The following NEURL1B variants were observed in gnomAD, a reference collection of about 807,000 sequenced individuals.
The protein encoded by NEURL1B is neuralized E3 ubiquitin protein ligase 1B, also known as E3 ubiquitin-protein ligase NEURL1B.
A neutral mutation model predicts 37.4 loss-of-function variants in NEURL1B; 13 were observed. That is an observed-to-expected ratio of 0.35 (90% CI 0.23 to 0.55). NEURL1B has a LOEUF of 0.55. Among genes scored for constraint, NEURL1B ranks in the 20% least tolerant of loss-of-function variants. The probability of loss-of-function intolerance (pLI) is 0.89; values close to 1 mark genes in which losing one functional copy is unlikely to be tolerated. For missense variants in NEURL1B, 790 were observed against 879.2 expected (o/e 0.90, Z 1.28); for synonymous variants, 432 against 426.6 (o/e 1.01, Z -0.16).
chr5:172,655,533 C>G (rs1482574067), intron 1 of NEURL1B, among the ~76,000 whole-genome samples: 1 of 152,114 alleles, frequency 6.6e-6, no homozygotes, highest in Non-Finnish European at 1.5e-5. Context: ...CTCCGTCCAG[C>G]AGTAGGACTT....
In NEURL1B at chr5:172,683,601, G is replaced by A. The variant is rs1416869337; in HGVS notation, c.760G>A (p.Ala254Thr). The A allele has an allele frequency of 9.6e-6, 12 of 1,254,666 alleles. No homozygotes were observed. In the African/African-American group the frequency reaches 9.6e-5, roughly 10 times the overall value. The allele number at this position is 1,254,666 out of a possible 1,614,324, so 77.7% of individuals were successfully genotyped here. A position where few individuals can be genotyped will look rare whatever the true frequency, so the allele number is the denominator to read the frequency against. Residue 254 changes from alanine to threonine, a missense_variant, in exon 3 of 5, where the codon GCC becomes ACC. Transcript: ENST00000369800. The surrounding 1 kb of genome is among the most constrained non-coding windows in gnomAD (Gnocchi z 5.6). ...CGCCCCGGGCCCACCGCCAGCCGAC[G>A]CCGCGGCCGCCGCCATTCCGTGCGG... ...GRAPGPPPAD[A>T]AAAAIPCGPR...
rs149238421 is a variant in NEURL1B at position 172,682,024 on chromosome 5, A to G, written c.578-1395A>G. Among the ~76,000 whole-genome samples, 1,019 of 152,312 alleles carry G rather than the reference A, an allele frequency of 6.7e-3. 9 individuals are homozygous for G. Among genetic ancestry groups the G allele is most frequent in the Non-Finnish European group, 0.012 (787 of 68,026 alleles). ...TTAGTCGTTCCTTCATTCATCCAATAAACTATTAATAGTGAAGGCTATTTG... is the reference window on the plus strand; with the variant it reads ...TTAGTCGTTCCTTCATTCATCCAATGAACTATTAATAGTGAAGGCTATTTG... On this transcript the variant is annotated intron_variant, in intron 2 of 4. Coordinates refer to ENST00000369800, the MANE Select transcript of NEURL1B (RefSeq NM_001142651.3).
At chr5:172,645,536 T>TC (rs1757543586) in intron 1 of NEURL1B, among the ~76,000 whole-genome samples, 3 of 152,178 alleles carry the variant, frequency 2.0e-5, no homozygotes, top group Non-Finnish European at 4.4e-5. Flanking sequence ...GCGACCCTTG[T>TC]CACCCTCCTT....
At position 172,689,052 on chromosome 5, in the gene NEURL1B, T is replaced by TGAG. The variant is rs914272892; in HGVS notation, c.*2129_*2131dup. On this transcript the variant is annotated 3_prime_UTR_variant, in exon 5 of 5. Transcript: ENST00000369800. ...CAGCCTCCACTGGGAAACCAGTGAC[T>TGAG]GAGGCCTGGACCCAGAGGTGGACCA... 2 of 152,268 alleles carry TGAG rather than the reference T, an allele frequency of 1.3e-5. No homozygotes were observed. The highest frequency in any genetic ancestry group is 4.8e-5 in the African/African-American group (2 of 41,474). 9.4% of individuals were successfully genotyped at this position (152,268 alleles called of 1,614,324 possible). A position where few individuals can be genotyped will look rare whatever the true frequency, so the allele number is the denominator to read the frequency against.
In NEURL1B at chr5:172,686,031, A is replaced by T. The variant is rs896175417; in HGVS notation, c.1298-140A>T. 2 of 961,988 alleles carry T rather than the reference A, an allele frequency of 2.1e-6. No homozygotes were observed. The highest frequency in any genetic ancestry group is 3.3e-5 in the African/African-American group (2 of 60,730). 59.6% of individuals were successfully genotyped at this position (961,988 alleles called of 1,614,324 possible). On this transcript the variant is annotated intron_variant, in intron 3 of 4. Coordinates refer to ENST00000369800, the MANE Select transcript of NEURL1B (RefSeq NM_001142651.3). This position sits in a 1 kb window ranked among gnomAD's most constrained non-coding sequence, Gnocchi z 7.9. ...GGCACCACACTGGGATGCACTCTTC[A>T]CTCCTCAGCAGAACCCTGGGAGATA...
In NEURL1B at chr5:172,683,387, C is replaced by T; in HGVS notation, c.578-32C>T. ...GCGACCAGCCTGACGCGCGGCCTCTCCCCCTCCATGTCCCTCCCTTTGTCC... is the reference window on the plus strand; with the variant it reads ...GCGACCAGCCTGACGCGCGGCCTCTTCCCCTCCATGTCCCTCCCTTTGTCC... On this transcript the variant is annotated intron_variant, in intron 2 of 4. Transcript: ENST00000369800. This position sits in a 1 kb window ranked among gnomAD's most constrained non-coding sequence, Gnocchi z 5.6. 9 of 1,290,676 alleles carry T rather than the reference C, an allele frequency of 7.0e-6. No individual in the cohort carries two copies. The highest frequency in any genetic ancestry group is 8.9e-6 in the Non-Finnish European group (9 of 1,014,002). The allele number at this position is 1,290,676 out of a possible 1,614,324, so 80.0% of individuals were successfully genotyped here. A position where few individuals can be genotyped will look rare whatever the true frequency, so the allele number is the denominator to read the frequency against.
In NEURL1B at chr5:172,683,708, C is replaced by A. The variant is rs901375300; in HGVS notation, c.867C>A (p.Asp289Glu). The A allele has an allele frequency of 1.0e-5, 14 of 1,359,274 alleles. No individual in the cohort carries two copies. The African/African-American group carries it at 1.9e-4, about 18-fold the overall frequency. The allele number at this position is 1,359,274 out of a possible 1,614,324, so 84.2% of individuals were successfully genotyped here. Residue 289 changes from aspartate to glutamate, a missense_variant, in exon 3 of 5, where the codon GAC (aspartate) becomes GAA (glutamate). This residue lies in a region of NEURL1B where 460 missense variants were observed against 407.4 expected (regional missense o/e 1.13). Coordinates refer to ENST00000369800, the MANE Select transcript of NEURL1B (RefSeq NM_001142651.3). The surrounding 1 kb of genome is among the most constrained non-coding windows in gnomAD (Gnocchi z 5.6). Reference sequence around the variant, plus strand: ...GCTTCCACGCAACACGCGGGCCCGACGTGAGCCTGTCGGCCGACCGCAAAG... The same window carrying A: ...GCTTCCACGCAACACGCGGGCCCGAAGTGAGCCTGTCGGCCGACCGCAAAG... The part of the protein sequence containing the change: ...DLRFHATRGP[D>E]VSLSADRKVA...
intron 2 of NEURL1B, among the ~76,000 whole-genome samples, chr5:172,670,737 A>G (rs1465070661): frequency 6.6e-6 from 1 of 152,140 alleles, no homozygotes; most frequent in East Asian, 1.9e-4. Context: ...TCGCACATGT[A>G]TTCATTTGCT....
At chr5:172,674,607 A>C (rs75267162) in intron 2 of NEURL1B, among the ~76,000 whole-genome samples, 2,700 of 152,238 alleles carry the variant, frequency 0.018, 65 homozygotes, top group East Asian at 0.067. Flanking sequence ...TGGGGGTGGC[A>C]CCCAGGTGTT....
intron 1 of NEURL1B, among the ~76,000 whole-genome samples, chr5:172,655,325 T>C (rs563968530): frequency 6.6e-6 from 1 of 152,292 alleles, no homozygotes; most frequent in African/African-American, 2.4e-5. Flanking sequence ...GCCTTCCTCG[T>C]CCTGGGAGGT....
intron 3 of NEURL1B, among the ~76,000 whole-genome samples, chr5:172,685,857 C>T (rs753093091): frequency 6.6e-6 from 1 of 152,194 alleles, no homozygotes; most frequent in Non-Finnish European, 1.5e-5. Flanking sequence ...GTGCCCTTTC[C>T]TGAACCACCA....
chr5:172,652,457 G>A (rs559658510), intron 1 of NEURL1B, among the ~76,000 whole-genome samples: 1 of 152,350 alleles, frequency 6.6e-6, no homozygotes, highest in South Asian at 2.1e-4. Context: ...GCCAATGTTT[G>A]TTTTAACTCT....
chr5:172,683,596 C>A lies in NEURL1B; in HGVS notation c.755C>A (p.Ala252Asp). The A allele has an allele frequency of 7.8e-7, 1 of 1,280,624 alleles. No homozygotes were observed. Among genetic ancestry groups the A allele is most frequent in the South Asian group, 2.1e-5 (1 of 46,802 alleles). The allele number at this position is 1,280,624 out of a possible 1,614,324, so 79.3% of individuals were successfully genotyped here. Residue 252 changes from alanine (A) to aspartate (D), a missense_variant, in exon 3 of 5, where the codon GCC (alanine) becomes GAC (aspartate). Physicochemically the swap from Ala to Asp is moderately radical, Grantham distance 126. Transcript: ENST00000369800. This position sits in a 1 kb window ranked among gnomAD's most constrained non-coding sequence, Gnocchi z 5.6. ...GGCCGCGCCCCGGGCCCACCGCCAG[C>A]CGACGCCGCGGCCGCCGCCATTCCG... Reference protein sequence around the residue: ...ALGRAPGPPPADAAAAAIPCG... With the variant: ...ALGRAPGPPPDDAAAAAIPCG...
At chr5:172,666,757 G>T (rs974516054) in intron 1 of NEURL1B, among the ~76,000 whole-genome samples, 2 of 152,204 alleles carry the variant, frequency 1.3e-5, no homozygotes, top group African/African-American at 4.8e-5. Flanking sequence ...GTGGTGCTCA[G>T]CCACCCCTCG....
chr5:172,654,934 C>T (rs550655534), intron 1 of NEURL1B, among the ~76,000 whole-genome samples: 32 of 152,206 alleles, frequency 2.1e-4, no homozygotes, highest in African/African-American at 7.7e-4. Context: ...TTGTATATCT[C>T]TCCCTTTCTC....
At chr5:172,652,509 T>C (rs1176290734) in intron 1 of NEURL1B, among the ~76,000 whole-genome samples, 1 of 152,246 alleles carries the variant, frequency 6.6e-6, no homozygotes, top group Non-Finnish European at 1.5e-5. Flanking sequence ...GTATGGTTTT[T>C]AGGAAATTAC....
chr5:172,671,213 C>T (rs1030211950), intron 2 of NEURL1B, among the ~76,000 whole-genome samples: 9 of 152,168 alleles, frequency 5.9e-5, no homozygotes, highest in African/African-American at 2.2e-4. Context: ...GCTCCAGCCC[C>T]GGCAACCACT....
rs1336657273 is a variant in NEURL1B at position 172,689,424 on chromosome 5, C to T, written c.*2499C>T. 1 of 152,208 alleles carries T rather than the reference C, an allele frequency of 6.6e-6. No individual in the cohort carries two copies. Among genetic ancestry groups the T allele is most frequent in the Non-Finnish European group, 1.5e-5 (1 of 68,040 alleles). The allele number at this position is 152,208 out of a possible 1,614,324, so 9.4% of individuals were successfully genotyped here. ...TTGCCATAATAAGTCACATCAAAGA[C>T]ACTGCTGGTCATAAAACACTGTTTT... On this transcript the variant is annotated 3_prime_UTR_variant, in exon 5 of 5. Transcript: ENST00000369800.
chr5:172,677,189 G>T (rs1280167191), intron 2 of NEURL1B, among the ~76,000 whole-genome samples: 1 of 152,096 alleles, frequency 6.6e-6, no homozygotes, highest in African/African-American at 2.4e-5. Context: ...TTAGCTTTGC[G>T]GTTAATGTTC....
Sources: gnomAD v4.1 joint callset for allele counts (sites outside exome capture counted in the v4.1 genomes callset) on GRCh38, gnomAD v4.1.1 for gene constraint, gnomAD v4.1.1 regional missense constraint, Gnocchi (gnomAD v3.1) non-coding constraint, MANE v1.5 for transcripts, NCBI Gene and HGNC (gene_info 2026-07-23, HGNC 2026-07-21) for gene names.